MYT1: variants seen among roughly 807,000 people sequenced by gnomAD.
MYT1 encodes the protein myelin transcription factor 1.
A neutral mutation model predicts 123.0 loss-of-function variants in MYT1; 23 were observed. The ratio of observed to expected loss-of-function variants is 0.19; its 90% CI spans 0.13 to 0.26. MYT1 has a LOEUF of 0.26. Ranked by LOEUF, MYT1 falls within the 10% of genes least tolerant of loss-of-function variation. The probability of loss-of-function intolerance (pLI) is 1.00; values close to 1 mark genes in which losing one functional copy is unlikely to be tolerated. For synonymous variants in MYT1, 518 were observed against 575.3 expected, an observed-to-expected ratio of 0.90 and a Z score of 1.43; for missense variants, 1,125 against 1,472.5, an observed-to-expected ratio of 0.76 and a Z score of 3.86.
intron 19 of MYT1, among the ~76,000 whole-genome samples, chr20:64,233,121 C>G (rs1984372517): frequency 7.5e-6 from 1 of 133,116 alleles, no homozygotes; most frequent in African/African-American, 2.9e-5. Context: ...CTCCTCCTTC[C>G]CCTCCCTTCT....
rs980552218 is a variant in MYT1 at position 64,231,581 on chromosome 20, T to C, written c.2676-583T>C. Reference sequence around the variant, plus strand: ...GGTCTGCGTTCTTCCTTCTAGAACATAGATCTCAGTGGTGGCAAAGCTGCA... The same window carrying C: ...GGTCTGCGTTCTTCCTTCTAGAACACAGATCTCAGTGGTGGCAAAGCTGCA... On this transcript the variant is annotated intron_variant, in intron 18 of 22. Coordinates refer to ENST00000328439, the MANE Select transcript of MYT1 (RefSeq NM_004535.3). This position sits in a 1 kb window ranked among gnomAD's most constrained non-coding sequence, Gnocchi z 6.4. 3.9e-5 allele frequency among the ~76,000 whole-genome samples: 6 copies of C among 152,218 alleles called. No individual in the cohort carries two copies. The highest frequency in any genetic ancestry group is 1.2e-4 in the African/African-American group (5 of 41,462).
chr20:64,217,759 G>C (rs1983883941), intron 11 of MYT1, among the ~76,000 whole-genome samples: 1 of 152,232 alleles, frequency 6.6e-6, no homozygotes, highest in Non-Finnish European at 1.5e-5. Flanking sequence ...CCAGTGCCCT[G>C]GCAGGAAGCC....
intron 1 of MYT1, among the ~76,000 whole-genome samples, chr20:64,177,269 C>T (rs1193841035): frequency 6.6e-6 from 1 of 152,078 alleles, no homozygotes; most frequent in Non-Finnish European, 1.5e-5. Context: ...ATTGCCAACT[C>T]CCTGCCCCCA....
Position 64,185,111 on chromosome 20 carries a change from C to T in MYT1, c.-98-4952C>T, listed in dbSNP as rs1409985341. On this transcript the variant is annotated intron_variant, in intron 1 of 22. Coordinates refer to ENST00000328439, the MANE Select transcript of MYT1 (RefSeq NM_004535.3). This position sits in a 1 kb window ranked among gnomAD's most constrained non-coding sequence, Gnocchi z 4.5. ...AGATGGAGAGGGGGCTGGGCAGGGG[C>T]GTGAGGTCCAAAGAGACTGTGTTTT... Among the ~76,000 whole-genome samples, 2 of 152,114 alleles carry T rather than the reference C, an allele frequency of 1.3e-5. No individual in the cohort carries two copies. Among genetic ancestry groups the T allele is most frequent in the South Asian group, 2.1e-4 (1 of 4,808 alleles).
chr20:64,204,061 A>G (rs1028827118), intron 4 of MYT1, among the ~76,000 whole-genome samples: 3 of 152,136 alleles, frequency 2.0e-5, no homozygotes, highest in Non-Finnish European at 4.4e-5. Context: ...GGGTCTTACA[A>G]TGGCAGCTCC....
chr20:64,206,926 TGA>T (rs1365594896), intron 6 of MYT1, among the ~76,000 whole-genome samples: 1 of 152,200 alleles, frequency 6.6e-6, no homozygotes, highest in African/African-American at 2.4e-5. Flanking sequence ...GTTTTTGTTT[TGA>T]GAGAGTCTCA....
At position 64,212,685 on chromosome 20, in the gene MYT1, G is replaced by A. The variant is rs907978918; in HGVS notation, c.1517+547G>A. On this transcript the variant is annotated intron_variant, in intron 9 of 22. Coordinates refer to ENST00000328439, the MANE Select transcript of MYT1 (RefSeq NM_004535.3). The surrounding 1 kb of genome is among the most constrained non-coding windows in gnomAD (Gnocchi z 6.8). ...AAGGGCAGACATGAACAGTAACCTC[G>A]GCAGGCCAGGACTGTGCTCTGGGCT... Among the ~76,000 whole-genome samples the A allele has an allele frequency of 5.9e-5, 9 of 152,114 alleles. No individual in the cohort carries two copies. Among genetic ancestry groups the A allele is most frequent in the East Asian group, 3.9e-4 (2 of 5,184 alleles).
At chr20:64,219,178 C>T in intron 12 of MYT1, 143 bp downstream of exon 12, 2 of 1,191,170 alleles carry the variant, frequency 1.7e-6, no homozygotes, top group Non-Finnish European at 2.3e-6. Context: ...TTTTCTCCCT[C>T]CTGGCCATGG....
intron 18 of MYT1, among the ~76,000 whole-genome samples, chr20:64,228,644 T>G (rs1172295953): frequency 6.6e-6 from 1 of 152,088 alleles, no homozygotes; most frequent in Non-Finnish European, 1.5e-5. Flanking sequence ...TTGGTGGGGG[T>G]TTGTGTCCTT....
intron 1 of MYT1, among the ~76,000 whole-genome samples, chr20:64,172,469 T>G (rs1017846203): frequency 2.6e-5 from 4 of 152,208 alleles, no homozygotes; most frequent in African/African-American, 9.6e-5. Context: ...CTAAAGGGAA[T>G]GTGAGATGCC....
chr20:64,236,422 C>G (rs1401036238), intron 19 of MYT1, 133 bp from the exon 20 acceptor site: 14 of 693,780 alleles, frequency 2.0e-5, no homozygotes, highest in Non-Finnish European at 2.8e-5. Context: ...GGTGGGTGAC[C>G]CTGGGATGGT....
intron 1 of MYT1, among the ~76,000 whole-genome samples, chr20:64,187,378 A>G (rs1360284801): frequency 2.0e-5 from 3 of 148,756 alleles, no homozygotes; most frequent in Non-Finnish European, 4.4e-5. Flanking sequence ...GTTTCCGTGG[A>G]GAGTTTTCCT....
chr20:64,226,383 C>T (rs982100291), intron 16 of MYT1, among the ~76,000 whole-genome samples: 7 of 152,346 alleles, frequency 4.6e-5, no homozygotes, highest in South Asian at 2.1e-4. Flanking sequence ...TCCCAGTGGC[C>T]GGATGTCACA....
intron 15 of MYT1, 58 bp from the exon 16 acceptor site, chr20:64,223,233 C>T (rs896692342): frequency 4.7e-5 from 76 of 1,609,540 alleles, no homozygotes; most frequent in Middle Eastern, 1.6e-4. Context: ...TTCCTCCTCT[C>T]CTCCTCCTCT....
intron 12 of MYT1, among the ~76,000 whole-genome samples, chr20:64,219,292 G>A (rs1601718647): frequency 6.6e-6 from 1 of 152,246 alleles, no homozygotes. Flanking sequence ...GTTAGGTTGT[G>A]TGCACACCAT....
chr20:64,212,326 C>T lies in MYT1; in HGVS notation c.1517+188C>T, dbSNP rs1293988593. On this transcript the variant is annotated intron_variant, in intron 9 of 22. Transcript: ENST00000328439. This position sits in a 1 kb window ranked among gnomAD's most constrained non-coding sequence, Gnocchi z 6.8. ...TGTGTCCCTGCCTGGGCCGTGAGCC[C>T]GTGACCTGGGACGGGGCTCTGGCCT... 2.6e-5 allele frequency among the ~76,000 whole-genome samples: 4 copies of T among 152,084 alleles called. No individual in the cohort carries two copies. The highest frequency in any genetic ancestry group is 1.3e-4 in the Admixed American group (2 of 15,282).
chr20:64,176,327 G>A (rs1293310967), intron 1 of MYT1, among the ~76,000 whole-genome samples: 18 of 97,726 alleles, frequency 1.8e-4, no homozygotes, highest in African/African-American at 6.3e-4. Context: ...CCCCTCCCTG[G>A]CTTCTCCTCC....
At chr20:64,237,584 C>T (rs941160906) in intron 21 of MYT1, among the ~76,000 whole-genome samples, 194 bp downstream of exon 21, 4 of 152,256 alleles carry the variant, frequency 2.6e-5, no homozygotes, top group African/African-American at 9.6e-5. Flanking sequence ...TGAAGTCACA[C>T]TGTGAGTGCC....
Position 64,231,828 on chromosome 20 carries a change from C to G in MYT1, c.2676-336C>G, listed in dbSNP as rs1052937242. 1.3e-5 allele frequency among the ~76,000 whole-genome samples: 2 copies of G among 152,206 alleles called. No individual in the cohort carries two copies. Among genetic ancestry groups the G allele is most frequent in the Non-Finnish European group, 2.9e-5 (2 of 68,024 alleles). ...ACATTGCTGAGTGACACACAAGTGA[C>G]TCCAGCAGCAAGGCTTGGAGGGAAC... is the stretch of plus-strand genomic sequence containing the variant. On this transcript the variant is annotated intron_variant, in intron 18 of 22. Coordinates refer to ENST00000328439, the MANE Select transcript of MYT1 (RefSeq NM_004535.3). This position sits in a 1 kb window ranked among gnomAD's most constrained non-coding sequence, Gnocchi z 6.4.
Sources: gnomAD v4.1 joint callset for allele counts (sites outside exome capture counted in the v4.1 genomes callset) on GRCh38, gnomAD v4.1.1 for gene constraint, Gnocchi (gnomAD v3.1) non-coding constraint, MANE v1.5 for transcripts, NCBI Gene and HGNC (gene_info 2026-07-23, HGNC 2026-07-21) for gene names.